Variants in COMMD10 observed in about 807,000 individuals in gnomAD.
The protein encoded by COMMD10 is COMM domain containing 10, also known as COMM domain-containing protein 10.
A neutral mutation model predicts 28.9 loss-of-function variants in COMMD10; 33 were observed. The observed-to-expected ratio is 1.14, with a 90% CI of 0.87 to 1.53. The LOEUF is 1.53. COMMD10 is among the 40% of genes most tolerant of loss of function. COMMD10 has a pLI of 0.00. For missense variants in COMMD10, 310 were observed against 233.4 expected, an observed-to-expected ratio of 1.33 and a Z score of -2.14; for synonymous variants, 110 against 81.7, an observed-to-expected ratio of 1.35 and a Z score of -1.87.
At chr5:116,117,028 T>C (rs1190140607) in intron 4 of COMMD10, among the ~76,000 whole-genome samples, 1 of 152,234 alleles carries the variant, frequency 6.6e-6, no homozygotes, top group Non-Finnish European at 1.5e-5. Flanking sequence ...GGATTTAACG[T>C]AATGGACTCA....
At chr5:116,251,929 A>G (rs1009218742) in intron 5 of COMMD10, among the ~76,000 whole-genome samples, 18 of 149,586 alleles carry the variant, frequency 1.2e-4, no homozygotes, top group African/African-American at 3.5e-4. Context: ...AAGTGTTCCT[A>G]TTTCTCCACA....
At chr5:116,125,525 G>A (rs1459425173) in intron 4 of COMMD10, among the ~76,000 whole-genome samples, 1 of 152,022 alleles carries the variant, frequency 6.6e-6, no homozygotes, top group African/African-American at 2.4e-5. Flanking sequence ...ACAATTATGT[G>A]ACTTGGAGTT....
intron 5 of COMMD10, among the ~76,000 whole-genome samples, chr5:116,153,652 C>T (rs1752610216): frequency 6.6e-6 from 1 of 151,824 alleles, no homozygotes; most frequent in South Asian, 2.1e-4. Context: ...TTTATTGGCC[C>T]AGAGGGCTGA....
chr5:116,282,181 A>T (rs1230665106), intron 5 of COMMD10, among the ~76,000 whole-genome samples: 1 of 151,840 alleles, frequency 6.6e-6, no homozygotes, highest in Non-Finnish European at 1.5e-5. Flanking sequence ...GAAACCTGAG[A>T]GTCATTTTTG....
intron 5 of COMMD10, among the ~76,000 whole-genome samples, chr5:116,281,602 A>G (rs1580608969): frequency 1.3e-5 from 2 of 151,674 alleles, no homozygotes; most frequent in South Asian, 4.1e-4. Flanking sequence ...GTAATCTTAT[A>G]TGTACAAGCA....
intron 4 of COMMD10, among the ~76,000 whole-genome samples, chr5:116,121,371 C>A (rs1751430063): frequency 6.6e-6 from 1 of 152,190 alleles, no homozygotes; most frequent in Non-Finnish European, 1.5e-5. Context: ...TTTCAAAATC[C>A]AGTCTATCAT....
chr5:116,110,075 C>G (rs1197294850), intron 4 of COMMD10, among the ~76,000 whole-genome samples: 2 of 152,140 alleles, frequency 1.3e-5, no homozygotes, highest in South Asian at 4.1e-4. Context: ...GAGTTTGTAT[C>G]ATGAAGGGGT....
intron 5 of COMMD10, among the ~76,000 whole-genome samples, chr5:116,179,727 C>A (rs1051484128): frequency 6.6e-6 from 1 of 152,032 alleles, no homozygotes; most frequent in Non-Finnish European, 1.5e-5. Context: ...TTATAGATTT[C>A]TTGAGCAGGA....
At chr5:116,135,640 A>G (rs1299125337) in intron 5 of COMMD10, among the ~76,000 whole-genome samples, 1 of 152,226 alleles carries the variant, frequency 6.6e-6, no homozygotes, top group Non-Finnish European at 1.5e-5. Flanking sequence ...ACGTCCACAT[A>G]ACTTTATTAC....
chr5:116,243,842 G>A (rs1375063851), intron 5 of COMMD10, among the ~76,000 whole-genome samples: 1 of 152,064 alleles, frequency 6.6e-6, no homozygotes, highest in African/African-American at 2.4e-5. Flanking sequence ...TTTATTCTGG[G>A]CTTGAACCAC....
chr5:116,133,362 T>G (rs1036886357), intron 4 of COMMD10, among the ~76,000 whole-genome samples: 3 of 152,230 alleles, frequency 2.0e-5, no homozygotes, highest in African/African-American at 7.2e-5. Flanking sequence ...ATTTTTGTCT[T>G]ACTTGATTAA....
intron 5 of COMMD10, among the ~76,000 whole-genome samples, chr5:116,151,873 T>G (rs1021595239): frequency 6.6e-6 from 1 of 152,092 alleles, no homozygotes; most frequent in Non-Finnish European, 1.5e-5. Context: ...CTGCTCTGAT[T>G]TTAGTTATTT....
chr5:116,132,914 C>G (rs896389904), intron 4 of COMMD10, among the ~76,000 whole-genome samples: 1 of 152,116 alleles, frequency 6.6e-6, no homozygotes, highest in African/African-American at 2.4e-5. Flanking sequence ...CCCATAACCT[C>G]TAAAAGGCTT....
At chr5:116,242,585 C>A (rs376566878) in intron 5 of COMMD10, among the ~76,000 whole-genome samples, 11 of 152,154 alleles carry the variant, frequency 7.2e-5, no homozygotes, top group Non-Finnish European at 1.6e-4. Context: ...TTTTGAAAAG[C>A]AGCCAGTTTC....
chr5:116,196,638 A>G (rs1479591658), intron 5 of COMMD10, among the ~76,000 whole-genome samples: 1 of 151,866 alleles, frequency 6.6e-6, no homozygotes, highest in Non-Finnish European at 1.5e-5. Flanking sequence ...TTTTTTTTAA[A>G]AAAAGAAAAA....
At chr5:116,233,691 T>G (rs558952690) in intron 5 of COMMD10, among the ~76,000 whole-genome samples, 1 of 152,114 alleles carries the variant, frequency 6.6e-6, no homozygotes, top group East Asian at 1.9e-4. Context: ...ACATTCCAGG[T>G]AAAGAAATCA....
intron 5 of COMMD10, among the ~76,000 whole-genome samples, chr5:116,156,257 G>C (rs1752705236): frequency 1.3e-5 from 2 of 152,140 alleles, no homozygotes; most frequent in South Asian, 4.1e-4. Context: ...TACAGGGTTT[G>C]TTATCACACT....
At chr5:116,154,904 G>A (rs1030681849) in intron 5 of COMMD10, among the ~76,000 whole-genome samples, 3 of 151,998 alleles carry the variant, frequency 2.0e-5, no homozygotes, top group African/African-American at 4.8e-5. Flanking sequence ...GAGGGAGCGG[G>A]AGTGCTTTGG....
chr5:116,247,424 C>A (rs1332795882), intron 5 of COMMD10, among the ~76,000 whole-genome samples: 1 of 152,002 alleles, frequency 6.6e-6, no homozygotes, highest in African/African-American at 2.4e-5. Flanking sequence ...CCTTGAAGAC[C>A]TAACAGCAGA....
Sources: allele counts gnomAD v4.1 joint callset (sites outside exome capture counted in the v4.1 genomes callset), GRCh38; gene constraint gnomAD v4.1.1; transcripts MANE v1.5; gene names NCBI Gene and HGNC (gene_info 2026-07-23, HGNC 2026-07-21).